The following PCDHA6 variants were observed in gnomAD, a reference collection of about 807,000 sequenced individuals.
The protein encoded by PCDHA6 is protocadherin alpha-6.
Under a neutral mutation model 60.3 loss-of-function variants are expected in PCDHA6, and 55 were observed. The ratio of observed to expected loss-of-function variants is 0.91; its 90% confidence interval spans 0.73 to 1.14. The LOEUF is 1.14. Ranked by LOEUF, PCDHA6 falls within the 50% of genes most tolerant of loss-of-function variation. PCDHA6 has a pLI of 0.00. For synonymous variants in PCDHA6, 652 were observed against 557.9 expected, an observed-to-expected ratio of 1.17 and a Z score of -2.38; for missense variants, 1,327 against 1,256.5, an observed-to-expected ratio of 1.06 and a Z score of -0.85.
At chr5:140,884,252 A>T (rs782059444) in intron 1 of PCDHA6, 36 of 1,613,334 alleles carry the variant, frequency 2.2e-5, no homozygotes, top group Non-Finnish European at 2.9e-5. Context: ...GCTGACGGCC[A>T]CGGCAACGGT....
At chr5:141,000,361 GTC>G (rs148596731) in intron 3 of PCDHA6, among the ~76,000 whole-genome samples, 577 of 26,370 alleles carry the variant, frequency 0.022, 17 homozygotes, top group Admixed American at 0.027. Context: ...GTCTCTCTCT[GTC>G]TCTCTCTCTC....
At chr5:140,886,545 C>T (rs894582397) in intron 1 of PCDHA6, among the ~76,000 whole-genome samples, 5 of 151,964 alleles carry the variant, frequency 3.3e-5, no homozygotes, top group Non-Finnish European at 7.4e-5. Flanking sequence ...AAGGTCTTCC[C>T]AGCTGGGCAC....
In PCDHA6 at chr5:140,998,188, AG is replaced by A. The variant is rs375338994; in HGVS notation, c.2543-11438del. On this transcript the variant is annotated intron_variant, in intron 3 of 3. Transcript: ENST00000529310. ...CAAGTATTATTCTAAGCACTTTACAAGTATTAACTCCTTTAATCTGTATAAC... is the reference window on the plus strand; with the variant it reads ...CAAGTATTATTCTAAGCACTTTACAATATTAACTCCTTTAATCTGTATAAC... Among the ~76,000 whole-genome samples, 972 of 152,318 alleles carry A rather than the reference AG, an allele frequency of 6.4e-3. 14 individuals are homozygous for A. Among genetic ancestry groups the A allele is most frequent in the African/African-American group, 0.023 (946 of 41,556 alleles).
At position 140,847,175 on chromosome 5, in the gene PCDHA6, G is replaced by A. The variant is rs1238681114; in HGVS notation, c.2394+16690G>A. ...TGATTTCTGAGTAATAAACTAAAGG[G>A]CCATGAGTGATTAAGGAATTTGGCC... is the stretch of plus-strand genomic sequence containing the variant. On this transcript the variant is annotated intron_variant, in intron 1 of 3. Transcript: ENST00000529310. Among the ~76,000 whole-genome samples the A allele has an allele frequency of 4.0e-5, 6 of 149,412 alleles. 2 individuals are homozygous for A. The highest frequency in any genetic ancestry group is 9.0e-5 in the Non-Finnish European group (6 of 66,808).
Position 140,829,196 on chromosome 5 carries a change from A to G in PCDHA6, c.1105A>G (p.Ile369Val). 6.2e-7 allele frequency: 1 copy of G among 1,614,216 alleles called. No individual in the cohort carries two copies. The highest frequency in any genetic ancestry group is 8.5e-7 in the Non-Finnish European group (1 of 1,180,034). The change falls in exon 1 of 4, where the codon ATC becomes GTC. Residue 369 changes from isoleucine (I) to valine (V), a missense_variant. Transcript: ENST00000529310. The part of the protein sequence containing the change: ...VREDAQFGTV[I>V]ALISVNDLDS... ...TGAAGACGCTCAATTTGGTACTGTC[A>G]TCGCCCTAATTAGCGTGAACGACCT...
intron 1 of PCDHA6, among the ~76,000 whole-genome samples, chr5:140,978,710 A>G (rs576055391): frequency 1.3e-5 from 2 of 152,378 alleles, no homozygotes; most frequent in East Asian, 3.9e-4. Flanking sequence ...GGTGGCCTTT[A>G]CAAGATTATT....
rs2150175882 is a variant in PCDHA6, at chr5:140,829,839, G to T, written c.1748G>T (p.Arg583Leu). The T allele has an allele frequency of 3.1e-6, 5 of 1,613,930 alleles. No individual in the cohort carries two copies. Among genetic ancestry groups the T allele is most frequent in the Non-Finnish European group, 4.2e-6 (5 of 1,179,892 alleles). ...GGTGCAGTGAGCGAGCTGGTGCCGC[G>T]GTCACTGGGTGCAGGCCAAGTGGTG... ...TGGAVSELVP[R>L]SLGAGQVVAK... Residue 583 changes from arginine to leucine, a missense_variant, in exon 1 of 4, where the codon CGG (arginine) becomes CTG (leucine). Transcript: ENST00000529310.
At chr5:140,919,417 T>C (rs782439186) in intron 1 of PCDHA6, among the ~76,000 whole-genome samples, 16 of 152,226 alleles carry the variant, frequency 1.1e-4, no homozygotes, top group Admixed American at 5.2e-4. Context: ...AGACTGACAA[T>C]TCTGCCTTTT....
At chr5:140,977,256 C>T (rs1304967733) in intron 1 of PCDHA6, among the ~76,000 whole-genome samples, 1 of 152,164 alleles carries the variant, frequency 6.6e-6, no homozygotes, top group Non-Finnish European at 1.5e-5. Flanking sequence ...CATTTCTCAG[C>T]AGATGTTACA....
intron 1 of PCDHA6, chr5:140,968,960 T>C (rs1563384845): frequency 6.2e-7 from 1 of 1,614,212 alleles, no homozygotes; most frequent in South Asian, 1.1e-5. Context: ...CATCAAGTGC[T>C]ACCGCTACAC....
chr5:140,882,560 C>G (rs150463901), intron 1 of PCDHA6: 2 of 1,614,168 alleles, frequency 1.2e-6, no homozygotes, highest in African/African-American at 2.7e-5. Context: ...GCTGTGTGGG[C>G]GGAGCGCGGA....
At position 140,849,641 on chromosome 5, in the gene PCDHA6, C is replaced by A. The variant is rs2150443548; in HGVS notation, c.2394+19156C>A. 5 of 1,598,742 alleles carry A rather than the reference C, an allele frequency of 3.1e-6. 2 individuals are homozygous for A. Among genetic ancestry groups the A allele is most frequent in the Non-Finnish European group, 2.6e-6 (3 of 1,167,966 alleles). ...TGATCGACCTAGACGCAGATGCCAA[C>A]GGGCAGGTTACCTGCTCCCTGACGC... On this transcript the variant is annotated intron_variant, in intron 1 of 3. Coordinates refer to ENST00000529310, the MANE Select transcript of PCDHA6 (RefSeq NM_018909.4).
rs144574743 is a variant in PCDHA6, at chr5:140,848,603, G to C, written c.2394+18118G>C. ...GCGGCCAGCTCCACTACTCCGTCCCGGAGGAAGCCGAACACGGCACCTTCG... is the reference window on the plus strand; with the variant it reads ...GCGGCCAGCTCCACTACTCCGTCCCCGAGGAAGCCGAACACGGCACCTTCG... On this transcript the variant is annotated intron_variant, in intron 1 of 3. Transcript: ENST00000529310. 5,441 of 1,581,086 alleles carry C rather than the reference G, an allele frequency of 3.4e-3. 700 individuals are homozygous for C. Among genetic ancestry groups the C allele is most frequent in the Middle Eastern group, 0.011 (64 of 5,726 alleles).
chr5:140,828,859 C>A lies in PCDHA6; in HGVS notation c.768C>A (p.Asp256Glu). The A allele has an allele frequency of 1.9e-6, 3 of 1,614,200 alleles. No individual in the cohort carries two copies. Among genetic ancestry groups the A allele is most frequent in the East Asian group, 4.5e-5 (2 of 44,890 alleles). ...AAGTAAGAATATTCGAAAATGCAGACAACGGAACAACAGTTATCAGACTGA... is the reference window on the plus strand; with the variant it reads ...AAGTAAGAATATTCGAAAATGCAGAAAACGGAACAACAGTTATCAGACTGA... ...EYEVRIFENA[D>E]NGTTVIRLNA... Residue 256 changes from aspartate (D) to glutamate (E), a missense_variant, in exon 1 of 4, where the codon GAC becomes GAA. Physicochemically the swap from Asp to Glu is conservative, Grantham distance 45 (BLOSUM62 2). Transcript: ENST00000529310.
At chr5:140,897,881 C>T (rs1417702752) in intron 1 of PCDHA6, among the ~76,000 whole-genome samples, 1 of 152,194 alleles carries the variant, frequency 6.6e-6, no homozygotes. Context: ...GATTGCCATT[C>T]TAACTGGTGT....
At chr5:140,983,170 G>A (rs1046143831) in intron 3 of PCDHA6, among the ~76,000 whole-genome samples, 1 of 152,136 alleles carries the variant, frequency 6.6e-6, no homozygotes, top group Non-Finnish European at 1.5e-5. Context: ...AAACATGACC[G>A]CCTCACAATT....
chr5:140,846,514 A>G (rs1554141354), intron 1 of PCDHA6, among the ~76,000 whole-genome samples: 1 of 147,154 alleles, frequency 6.8e-6, no homozygotes, highest in African/African-American at 2.5e-5. Flanking sequence ...AGCTGGGATT[A>G]CAGGTGCATG....
Position 140,871,058 on chromosome 5 carries a change from A to C in PCDHA6, c.2394+40573A>C, listed in dbSNP as rs1179361194. Reference sequence around the variant, plus strand: ...CACCGACTTCTAGTACTGGTGAAGGATCACGGTGAGCCGGCGCTGACGGCC... The same window carrying C: ...CACCGACTTCTAGTACTGGTGAAGGCTCACGGTGAGCCGGCGCTGACGGCC... On this transcript the variant is annotated intron_variant, in intron 1 of 3. Transcript: ENST00000529310. 8 of 1,613,140 alleles carry C rather than the reference A, an allele frequency of 5.0e-6. No homozygotes were observed. The African/African-American group carries it at 6.7e-5, about 13-fold the overall frequency.
intron 1 of PCDHA6, among the ~76,000 whole-genome samples, chr5:140,885,242 A>G (rs1481024816): frequency 6.6e-6 from 1 of 152,038 alleles, no homozygotes; most frequent in Non-Finnish European, 1.5e-5. Context: ...TCAATTTTTT[A>G]TTTGCATTCA....
Sources: gnomAD v4.1 joint callset for allele counts (sites outside exome capture counted in the v4.1 genomes callset) on GRCh38, gnomAD v4.1.1 for gene constraint, MANE v1.5 for transcripts, NCBI Gene and HGNC (gene_info 2026-07-23, HGNC 2026-07-21) for gene names.